GALNTL6: variants seen among roughly 807,000 people sequenced by gnomAD.
The protein encoded by GALNTL6 is polypeptide N-acetylgalactosaminyltransferase like 6, also known as polypeptide N-acetylgalactosaminyltransferase-like 6.
In GALNTL6, 46 loss-of-function variants were observed where a neutral mutation model predicts 73.7. The observed-to-expected ratio is 0.62, with a 90% CI of 0.49 to 0.80. The LOEUF (loss-of-function observed/expected upper bound fraction) is 0.80, where lower values mean the gene tolerates loss of function less well. Among genes scored for constraint, GALNTL6 ranks in the 30% least tolerant of loss-of-function variants. The pLI is 0.00. For synonymous variants in GALNTL6, 259 were observed against 263.7 expected, an observed-to-expected ratio of 0.98 and a Z score of 0.17; for missense variants, 604 against 755.0, an observed-to-expected ratio of 0.80 and a Z score of 2.34.
intron 3 of GALNTL6, among the ~76,000 whole-genome samples, chr4:172,269,722 TTCTCTC>T (rs71592064): frequency 2.0e-5 from 3 of 151,306 alleles, no homozygotes; most frequent in African/African-American, 4.9e-5. Flanking sequence ...TTTTTATGCA[TTCTCTC>T]TCTCTCTCTC....
intron 8 of GALNTL6, among the ~76,000 whole-genome samples, 190 bp downstream of exon 8, chr4:172,883,097 A>G (rs1336467486): frequency 2.6e-5 from 4 of 152,154 alleles, no homozygotes; most frequent in Non-Finnish European, 4.4e-5. Context: ...ATATACAATC[A>G]TTATACATAT....
At chr4:172,740,425 C>T (rs80010938) in intron 5 of GALNTL6, among the ~76,000 whole-genome samples, 2,187 of 152,214 alleles carry the variant, frequency 0.014, 69 homozygotes, top group African/African-American at 0.049. Flanking sequence ...ACAGTCTATC[C>T]TCATTATTCA....
At chr4:172,372,417 A>T (rs1049131770) in intron 5 of GALNTL6, among the ~76,000 whole-genome samples, 6 of 152,188 alleles carry the variant, frequency 3.9e-5, no homozygotes, top group Non-Finnish European at 8.8e-5. Context: ...TGCCATTGAC[A>T]TTATGAGTAG....
At chr4:172,371,617 T>G (rs1742811875) in intron 5 of GALNTL6, among the ~76,000 whole-genome samples, 1 of 152,096 alleles carries the variant, frequency 6.6e-6, no homozygotes, top group South Asian at 2.1e-4. Flanking sequence ...TTCTTTGACT[T>G]TCTGTCGCTC....
intron 2 of GALNTL6, among the ~76,000 whole-genome samples, chr4:172,083,610 A>G (rs1731945426): frequency 1.3e-5 from 2 of 152,158 alleles, no homozygotes. Context: ...TATCAGTGAC[A>G]CCTTGTTAAA....
At chr4:173,029,205 A>C (rs575124262) in intron 12 of GALNTL6, among the ~76,000 whole-genome samples, 1 of 152,362 alleles carries the variant, frequency 6.6e-6, no homozygotes, top group East Asian at 1.9e-4. Flanking sequence ...TCACTAAAAA[A>C]TCCTGGACAT....
chr4:172,279,809 G>T (rs1738977280), intron 3 of GALNTL6, among the ~76,000 whole-genome samples: 1 of 152,104 alleles, frequency 6.6e-6, no homozygotes, highest in South Asian at 2.1e-4. Context: ...CAATAGCCAA[G>T]AGTTGTGGAA....
In GALNTL6 at chr4:173,040,105, A is replaced by G. The variant is rs201333676; in HGVS notation, c.*5A>G. Reference sequence around the variant, plus strand: ...AACCACCATGCCAACTCCTAGAAAGAAGAAAGGAAGAAAGAGTGATTACCT... The same window carrying G: ...AACCACCATGCCAACTCCTAGAAAGGAGAAAGGAAGAAAGAGTGATTACCT... On this transcript the variant is annotated 3_prime_UTR_variant, in exon 13 of 13. Transcript: ENST00000506823. The G allele has an allele frequency of 6.2e-7, 1 of 1,600,496 alleles. No individual in the cohort carries two copies. The highest frequency in any genetic ancestry group is 8.5e-7 in the Non-Finnish European group (1 of 1,170,212).
chr4:172,110,789 A>G (rs2110978656), intron 2 of GALNTL6, among the ~76,000 whole-genome samples: 1 of 152,282 alleles, frequency 6.6e-6, no homozygotes, highest in Middle Eastern at 3.4e-3. Context: ...TTTGGATGAT[A>G]CATTTGAATC....
intron 5 of GALNTL6, among the ~76,000 whole-genome samples, chr4:172,612,213 T>C (rs1473621889): frequency 1.3e-5 from 2 of 152,108 alleles, no homozygotes; most frequent in African/African-American, 2.4e-5. Flanking sequence ...AATGTTTAAC[T>C]TCTTTGGGCT....
chr4:172,479,317 TACACAC>T (rs60085866), intron 5 of GALNTL6, among the ~76,000 whole-genome samples: 5 of 151,334 alleles, frequency 3.3e-5, no homozygotes, highest in Non-Finnish European at 5.9e-5. Context: ...TGTGTATACA[TACACAC>T]ACACACACAC....
intron 7 of GALNTL6, among the ~76,000 whole-genome samples, chr4:172,882,391 A>G (rs1745501855): frequency 6.6e-6 from 1 of 152,208 alleles, no homozygotes; most frequent in African/African-American, 2.4e-5. Context: ...AGCATTTTCA[A>G]TACTTTTATA....
rs982719 is a variant in GALNTL6, at chr4:172,809,791, G to A, written c.739+245G>A. ...CAACTTCAATCTAACTTACAGTTTA[G>A]AAAAGGTTTCATTTATCTTAGATAT... On this transcript the variant is annotated intron_variant, in intron 6 of 12. Coordinates refer to ENST00000506823, the MANE Select transcript of GALNTL6 (RefSeq NM_001034845.3). This position sits in a 1 kb window ranked among gnomAD's most constrained non-coding sequence, Gnocchi z 4.4. Among the ~76,000 whole-genome samples the A allele has an allele frequency of 0.99, 150,339 of 152,244 alleles. 74,252 individuals are homozygous for A. Among genetic ancestry groups the A allele is most frequent in the Middle Eastern group, 1 (294 of 294 alleles).
At chr4:172,014,171 G>A (rs34451479) in intron 2 of GALNTL6, among the ~76,000 whole-genome samples, 22,613 of 151,934 alleles carry the variant, frequency 0.15, 4,434 homozygotes, top group African/African-American at 0.46. Context: ...GAACAGTGCT[G>A]GAATAAACAT....
At chr4:172,652,830 C>T (rs971273509) in intron 5 of GALNTL6, among the ~76,000 whole-genome samples, 25 of 152,154 alleles carry the variant, frequency 1.6e-4, no homozygotes, top group Admixed American at 1.4e-3. Context: ...GGATTCCTTC[C>T]TTTTTCCAAT....
chr4:172,049,733 C>A (rs1285030883), intron 2 of GALNTL6, among the ~76,000 whole-genome samples: 3 of 152,050 alleles, frequency 2.0e-5, no homozygotes, highest in African/African-American at 7.2e-5. Flanking sequence ...CCTGTAATCC[C>A]AGCACTTTGG....
At chr4:172,947,322 A>C (rs1055703151) in intron 9 of GALNTL6, among the ~76,000 whole-genome samples, 2 of 152,160 alleles carry the variant, frequency 1.3e-5, no homozygotes, top group African/African-American at 4.8e-5. Context: ...GGAGAGAGGG[A>C]TCACAAACAG....
At chr4:172,170,140 T>A (rs1734763150) in intron 2 of GALNTL6, among the ~76,000 whole-genome samples, 1 of 152,200 alleles carries the variant, frequency 6.6e-6, no homozygotes, top group African/African-American at 2.4e-5. Context: ...AGTTACTCTG[T>A]CTTCCTGATA....
At chr4:172,485,310 C>G (rs337992) in intron 5 of GALNTL6, among the ~76,000 whole-genome samples, 1 of 151,834 alleles carries the variant, frequency 6.6e-6, no homozygotes, top group African/African-American at 2.4e-5. Flanking sequence ...AGACGATAAA[C>G]AGTTCAATTT....
Sources: allele counts gnomAD v4.1 joint callset (sites outside exome capture counted in the v4.1 genomes callset), GRCh38; gene constraint gnomAD v4.1.1; non-coding constraint Gnocchi (gnomAD v3.1); transcripts MANE v1.5; gene names NCBI Gene and HGNC (gene_info 2026-07-23, HGNC 2026-07-21).